BBS4: variants seen among roughly 807,000 people sequenced by gnomAD.
The protein encoded by BBS4 is Bardet-Biedl syndrome 4.
Under a neutral mutation model 71.4 loss-of-function variants are expected in BBS4, and 58 were observed. The ratio of observed to expected loss-of-function variants is 0.81; its 90% CI spans 0.66 to 1.01. BBS4 has a LOEUF of 1.01. BBS4 is among the 50% of genes least tolerant of loss of function. BBS4 has a pLI of 0.00. For synonymous variants in BBS4, 228 were observed against 216.8 expected, an observed-to-expected ratio of 1.05 and a Z score of -0.46; for missense variants, 660 against 607.9, an observed-to-expected ratio of 1.09 and a Z score of -0.90.
intron 13 of BBS4, chr15:72,735,457 TG>T: frequency 1.9e-6 from 1 of 525,990 alleles, no homozygotes; most frequent in South Asian, 2.0e-5. Flanking sequence ...CTGATAGCTA[TG>T]GGCTAGCTGG....
chr15:72,717,006 C>A, intron 6 of BBS4, 156 bp downstream of exon 6: 1 of 662,610 alleles, frequency 1.5e-6, no homozygotes, highest in Non-Finnish European at 2.6e-6. Flanking sequence ...GGATCAAAAA[C>A]CATGTTTCCT....
chr15:72,718,057 T>C (rs1168889442), intron 6 of BBS4, among the ~76,000 whole-genome samples: 5 of 152,128 alleles, frequency 3.3e-5, no homozygotes, highest in Admixed American at 1.3e-4. Flanking sequence ...CCATGTTGGC[T>C]AGGCTGGTCT....
chr15:72,708,674 G>A (rs764142318), intron 2 of BBS4, among the ~76,000 whole-genome samples: 2 of 152,140 alleles, frequency 1.3e-5, no homozygotes, highest in Non-Finnish European at 2.9e-5. Context: ...GCCTATAAAC[G>A]GACATGCAAG....
In BBS4 at chr15:72,735,974, T is replaced by A. The variant is rs780476726; in HGVS notation, c.1248+8T>A. ...CTGGAATTTGACTCTGAGGTATGTC[T>A]TTTATTAGCTCCCAAGAGTCATAAG... On this transcript the variant is annotated splice_region_variant and intron_variant, in intron 14 of 15. Coordinates refer to ENST00000268057, the MANE Select transcript of BBS4 (RefSeq NM_033028.5). 2 of 1,614,094 alleles carry A rather than the reference T, an allele frequency of 1.2e-6. No homozygotes were observed. Among genetic ancestry groups the A allele is most frequent in the Non-Finnish European group, 1.7e-6 (2 of 1,179,996 alleles).
Position 72,735,176 on chromosome 15 carries a change from T to C in BBS4, c.1100T>C (p.Leu367Pro), listed in dbSNP as rs755985062. ...AGAGCCTACGCAGAAGCAGTCCACC[T>C]GGATAAGTATGCACTTTGTTGAGAA... Reference protein sequence around the residue: ...AKRAYAEAVHLDKCNPLVNLN... With the variant: ...AKRAYAEAVHPDKCNPLVNLN... Residue 367 changes from leucine (L) to proline (P), a missense_variant, in exon 13 of 16, where the codon CTG becomes CCG. Coordinates refer to ENST00000268057, the MANE Select transcript of BBS4 (RefSeq NM_033028.5). The C allele has an allele frequency of 4.3e-6, 7 of 1,612,974 alleles. No homozygotes were observed. Among genetic ancestry groups the C allele is most frequent in the Non-Finnish European group, 5.9e-6 (7 of 1,179,114 alleles).
chr15:72,736,726 C>G (rs368628070), intron 14 of BBS4, 36 bp from the exon 15 acceptor site: 1 of 1,608,528 alleles, frequency 6.2e-7, no homozygotes, highest in African/African-American at 1.3e-5. Flanking sequence ...CTGACAGTCA[C>G]GCTTTTGATT....
chr15:72,724,647 A>T lies in BBS4; in HGVS notation c.579A>T (p.Lys193Asn), dbSNP rs1265663494. ...ACAAGGCCATTGAAGTCTACAAGAA[A>T]GCAGTGGAGTAAGTGTATCTGTTTC... Reference protein sequence around the residue: ...DLDKAIEVYKKAVEFSPENTE... With the variant: ...DLDKAIEVYKNAVEFSPENTE... Residue 193 changes from lysine (K) to asparagine (N), a missense_variant, in exon 8 of 16, where the codon AAA becomes AAT. By Grantham distance (94) the Lys-to-Asn change is moderately conservative. Coordinates refer to ENST00000268057, the MANE Select transcript of BBS4 (RefSeq NM_033028.5). The T allele has an allele frequency of 6.2e-7, 1 of 1,614,018 alleles. No homozygotes were observed. The highest frequency in any genetic ancestry group is 2.2e-5 in the East Asian group (1 of 44,864).
intron 8 of BBS4, among the ~76,000 whole-genome samples, chr15:72,726,591 A>G (rs914236178): frequency 3.3e-5 from 5 of 152,086 alleles, no homozygotes; most frequent in Non-Finnish European, 7.3e-5. Context: ...ATGGTAGTAA[A>G]TTTTCTGGTT....
chr15:72,689,925 C>T (rs984206455), intron 1 of BBS4, among the ~76,000 whole-genome samples: 4 of 152,032 alleles, frequency 2.6e-5, no homozygotes, highest in African/African-American at 9.7e-5. Flanking sequence ...ATTCTCCAGC[C>T]TGAGCCTCCG....
intron 4 of BBS4, among the ~76,000 whole-genome samples, chr15:72,714,167 AG>A (rs1376974069): frequency 6.6e-6 from 1 of 151,756 alleles, no homozygotes; most frequent in Non-Finnish European, 1.5e-5. Context: ...AACAAGATAA[AG>A]CAGAGCATAA....
intron 3 of BBS4, among the ~76,000 whole-genome samples, chr15:72,711,672 T>G (rs117773273): frequency 6.6e-6 from 1 of 152,168 alleles, no homozygotes; most frequent in African/African-American, 2.4e-5. Flanking sequence ...AAAACCACTG[T>G]TAGCTTGAGA....
rs964896655 is a variant in BBS4 at position 72,737,599 on chromosome 15, A to G, written c.*12A>G. 8 of 1,584,094 alleles carry G rather than the reference A, an allele frequency of 5.1e-6. No homozygotes were observed. The highest frequency in any genetic ancestry group is 4.0e-5 in the African/African-American group (3 of 74,420). ...TAAGAGAGAAATAAGAATAGAATGA[A>G]TGACCCCAAAATAGGGTTTTCTTGG... On this transcript the variant is annotated 3_prime_UTR_variant, in exon 16 of 16. Transcript: ENST00000268057.
chr15:72,736,714 C>G (rs764245990), intron 14 of BBS4, 48 bp from the exon 15 acceptor site: 33 of 1,597,906 alleles, frequency 2.1e-5, no homozygotes, highest in South Asian at 4.4e-5. Flanking sequence ...GTTGGCTTGT[C>G]TCTGACAGTC....
At chr15:72,687,218 C>T (rs1007516308) in intron 1 of BBS4, among the ~76,000 whole-genome samples, 1 of 148,732 alleles carries the variant, frequency 6.7e-6, no homozygotes, top group Non-Finnish European at 1.5e-5. Context: ...TCCCAGGTTC[C>T]AGCAATTCTC....
At chr15:72,720,785 C>T (rs1162720866) in intron 6 of BBS4, among the ~76,000 whole-genome samples, 1 of 152,168 alleles carries the variant, frequency 6.6e-6, no homozygotes, top group Non-Finnish European at 1.5e-5. Flanking sequence ...TTCCACTGTA[C>T]CAACTGCCTT....
Position 72,688,411 on chromosome 15 carries a change from C to CTTTTTTTTTTT in BBS4, c.24+2170_24+2180dup, listed in dbSNP as rs58644289. Reference sequence around the variant, plus strand: ...GTCCTTTTAGGAAGTGGTATTTTATCTTTTTTTTTTTTTTTTTTTTGAGAC... The same window carrying CTTTTTTTTTTT: ...GTCCTTTTAGGAAGTGGTATTTTATCTTTTTTTTTTTTTTTTTTTTTTTTTTTTTTTGAGAC... On this transcript the variant is annotated intron_variant, in intron 1 of 15. Coordinates refer to ENST00000268057, the MANE Select transcript of BBS4 (RefSeq NM_033028.5). Among the ~76,000 whole-genome samples the CTTTTTTTTTTT allele has an allele frequency of 1.7e-3, 144 of 83,040 alleles. 6 individuals carry two copies. Among genetic ancestry groups the CTTTTTTTTTTT allele is most frequent in the Middle Eastern group, 0.013 (1 of 80 alleles). The allele number at this position is 83,040 out of a possible 152,430, so 54.5% of individuals were successfully genotyped here. A position where few individuals can be genotyped will look rare whatever the true frequency, so the allele number is the denominator to read the frequency against.
At chr15:72,707,220 C>A (rs1301321398) in intron 2 of BBS4, among the ~76,000 whole-genome samples, 1 of 147,460 alleles carries the variant, frequency 6.8e-6, no homozygotes, top group Non-Finnish European at 1.5e-5. Flanking sequence ...GCTCTTTGGC[C>A]GAGGCTGGAG....
chr15:72,708,556 C>T (rs2065307716), intron 2 of BBS4, among the ~76,000 whole-genome samples: 1 of 152,076 alleles, frequency 6.6e-6, no homozygotes, highest in African/African-American at 2.4e-5. Flanking sequence ...AATCAGTGCA[C>T]CTTGAACAGA....
chr15:72,715,245 C>A (rs1031278285), intron 4 of BBS4, 46 bp from the exon 5 acceptor site: 1 of 1,465,046 alleles, frequency 6.8e-7, no homozygotes, highest in Admixed American at 1.7e-5. Context: ...TCCATTCTTC[C>A]CAGAACATGG....
Sources: allele counts gnomAD v4.1 joint callset (sites outside exome capture counted in the v4.1 genomes callset), GRCh38; gene constraint gnomAD v4.1.1; transcripts MANE v1.5; gene names NCBI Gene and HGNC (gene_info 2026-07-23, HGNC 2026-07-21).